KDM4C: variants seen among roughly 807,000 people sequenced by gnomAD.
KDM4C encodes the protein lysine-specific demethylase 4C.
KDM4C carries 81 observed loss-of-function variants against 129.3 expected under a neutral mutation model. The observed-to-expected ratio is 0.63, with a 90% CI of 0.52 to 0.75. The LOEUF is 0.75. Among genes scored for constraint, KDM4C ranks in the 30% least tolerant of loss-of-function variants. KDM4C has a pLI of 0.00. For missense variants in KDM4C, 1,457 were observed against 1,304.0 expected, an observed-to-expected ratio of 1.12 and a Z score of -1.81; for synonymous variants, 573 against 456.1, an observed-to-expected ratio of 1.26 and a Z score of -3.26.
At chr9:6,919,545 G>GTCTGTCTATCTATCTA (rs1233591405) in intron 8 of KDM4C, among the ~76,000 whole-genome samples, 2 of 79,360 alleles carry the variant, frequency 2.5e-5, no homozygotes, top group African/African-American at 7.8e-5. Flanking sequence ...CTGTCTGTCT[G>GTCTGTCTATCTATCTA]TCTATCTATC....
intron 15 of KDM4C, among the ~76,000 whole-genome samples, chr9:7,028,164 C>T (rs994641975): frequency 2.0e-5 from 3 of 152,048 alleles, no homozygotes; most frequent in Non-Finnish European, 4.4e-5. Context: ...AGAATCTCTC[C>T]TTGTGGCCAC....
intron 12 of KDM4C, among the ~76,000 whole-genome samples, chr9:6,997,669 A>T: frequency 6.6e-6 from 1 of 152,144 alleles, no homozygotes. Context: ...TTTGTGCTTT[A>T]TATGTTTTTT....
chr9:6,857,922 G>GTTTTTTTT (rs71487861), intron 5 of KDM4C, among the ~76,000 whole-genome samples: 9 of 103,098 alleles, frequency 8.7e-5, no homozygotes, highest in Non-Finnish European at 1.3e-4. Flanking sequence ...ATCTGGCTAA[G>GTTTTTTTT]TTTTTTTTTT....
chr9:6,973,031 G>T lies in KDM4C; in HGVS notation c.922-7894G>T, dbSNP rs538665444. Among the ~76,000 whole-genome samples the T allele has an allele frequency of 4.6e-5, 7 of 152,314 alleles. No individual in the cohort carries two copies. In the South Asian group the frequency reaches 1.0e-3, roughly 23 times the overall value. On this transcript the variant is annotated intron_variant, in intron 8 of 21. Coordinates refer to ENST00000381309, the MANE Select transcript of KDM4C (RefSeq NM_015061.6). ...GCCAGACATAGTCTCATACTTGAGA[G>T]GGAAGGCAGGGATTGCTAGGTAAAG...
intron 8 of KDM4C, among the ~76,000 whole-genome samples, chr9:6,936,479 A>G (rs1050040621): frequency 1.3e-5 from 2 of 152,222 alleles, no homozygotes; most frequent in Admixed American, 1.3e-4. Flanking sequence ...ACTTTTTAAT[A>G]TAGTGAAGTC....
chr9:6,770,830 C>T (rs1354852005), intron 1 of KDM4C, among the ~76,000 whole-genome samples: 4 of 137,138 alleles, frequency 2.9e-5, no homozygotes, highest in Non-Finnish European at 6.0e-5. Context: ...GGCTGGAATG[C>T]AGTGGCGCAA....
intron 17 of KDM4C, among the ~76,000 whole-genome samples, chr9:7,091,493 T>C (rs1266934442): frequency 6.6e-6 from 1 of 152,198 alleles, no homozygotes; most frequent in Non-Finnish European, 1.5e-5. Context: ...CCCTATACTT[T>C]AAGAAATATA....
chr9:7,128,107 G>C lies in KDM4C; in HGVS notation c.2652G>C (p.Thr884=), dbSNP rs779546036. ...AGAAGGTCATTTCCGTGGGTCAAAC[G>C]GTCATCACGAAGCATCGGAACACCC... ...ACEKVISVGQ[T]VITKHRNTRY... Residue 884 remains threonine, a synonymous_variant, in exon 19 of 22, where the codon ACG becomes ACC. Coordinates refer to ENST00000381309, the MANE Select transcript of KDM4C (RefSeq NM_015061.6). 6.2e-7 allele frequency: 1 copy of C among 1,608,194 alleles called. No individual in the cohort carries two copies. The highest frequency in any genetic ancestry group is 1.3e-5 in the African/African-American group (1 of 74,406).
chr9:6,837,332 C>T (rs953540798), intron 4 of KDM4C, among the ~76,000 whole-genome samples: 2 of 152,200 alleles, frequency 1.3e-5, no homozygotes, highest in African/African-American at 4.8e-5. Context: ...ATTACGATTA[C>T]AGGCGTGTGC....
At chr9:6,765,571 G>A (rs1449598119) in intron 1 of KDM4C, among the ~76,000 whole-genome samples, 1 of 152,002 alleles carries the variant, frequency 6.6e-6, no homozygotes, top group Non-Finnish European at 1.5e-5. Context: ...ATTCTATATA[G>A]CACACTGTTC....
chr9:6,873,266 G>A (rs145951360), intron 5 of KDM4C, among the ~76,000 whole-genome samples: 1 of 152,318 alleles, frequency 6.6e-6, no homozygotes, highest in East Asian at 1.9e-4. Context: ...GATTACAGGT[G>A]TGCTGGGATT....
intron 11 of KDM4C, among the ~76,000 whole-genome samples, chr9:6,990,079 A>G (rs946150264): frequency 3.3e-5 from 5 of 152,152 alleles, no homozygotes; most frequent in East Asian, 1.9e-4. Flanking sequence ...TGCCTGGCCT[A>G]TAATCCTAAA....
At chr9:6,958,471 C>T (rs1328996507) in intron 8 of KDM4C, among the ~76,000 whole-genome samples, 1 of 151,842 alleles carries the variant, frequency 6.6e-6, no homozygotes, top group South Asian at 2.1e-4. Flanking sequence ...CCTGTAATCT[C>T]AGCTACTTGG....
chr9:7,038,556 A>G (rs1046068566), intron 15 of KDM4C, among the ~76,000 whole-genome samples: 1 of 152,214 alleles, frequency 6.6e-6, no homozygotes, highest in African/African-American at 2.4e-5. Context: ...TGACATTACA[A>G]ATAAAATTTT....
intron 8 of KDM4C, among the ~76,000 whole-genome samples, chr9:6,921,988 T>C (rs960383713): frequency 6.6e-6 from 1 of 152,226 alleles, no homozygotes; most frequent in Non-Finnish European, 1.5e-5. Context: ...ATATCATTTC[T>C]CAATTTGAAT....
chr9:6,995,876 T>A (rs894574133), intron 12 of KDM4C, among the ~76,000 whole-genome samples: 1 of 142,310 alleles, frequency 7.0e-6, no homozygotes, highest in Admixed American at 7.0e-5. Context: ...TTTCACTGTG[T>A]TAGCCAGGAT....
chr9:7,020,255 GA>G (rs1824551421), intron 15 of KDM4C, among the ~76,000 whole-genome samples: 2 of 152,140 alleles, frequency 1.3e-5, no homozygotes, highest in African/African-American at 4.8e-5. Context: ...AACTTCAACT[GA>G]AATGAAATGA....
At chr9:6,917,436 A>G (rs1294648730) in intron 8 of KDM4C, among the ~76,000 whole-genome samples, 1 of 152,112 alleles carries the variant, frequency 6.6e-6, no homozygotes, top group Non-Finnish European at 1.5e-5. Flanking sequence ...ATGATCCATC[A>G]TTGTAAAGAT....
intron 1 of KDM4C, among the ~76,000 whole-genome samples, chr9:6,762,127 C>T (rs903018668): frequency 6.6e-6 from 1 of 151,848 alleles, no homozygotes; most frequent in Admixed American, 6.6e-5. Context: ...ACTTTAAGTT[C>T]TAGGGTACAT....
Sources: allele counts gnomAD v4.1 joint callset (sites outside exome capture counted in the v4.1 genomes callset), GRCh38; gene constraint gnomAD v4.1.1; transcripts MANE v1.5; gene names NCBI Gene and HGNC (gene_info 2026-07-23, HGNC 2026-07-21).